The following PRR13 variants were observed in gnomAD, a reference collection of about 807,000 sequenced individuals.
The protein encoded by PRR13 is proline-rich protein 13.
In PRR13, 7 loss-of-function variants were observed where a neutral mutation model predicts 11.5. The observed-to-expected ratio is 0.61, with a 90% confidence interval of 0.34 to 1.14. PRR13 has a LOEUF of 1.14. Ranked by LOEUF, PRR13 falls within the 50% of genes most tolerant of loss-of-function variation. The pLI is 0.03. For synonymous variants in PRR13, 53 were observed against 67.8 expected, an observed-to-expected ratio of 0.78 and a Z score of 1.07; for missense variants, 155 against 194.4, an observed-to-expected ratio of 0.80 and a Z score of 1.21.
In PRR13 at chr12:53,442,127, C is replaced by T; in HGVS notation, c.-21+335C>T. The T allele has an allele frequency of 7.3e-6, 3 of 408,200 alleles. No homozygotes were observed. The South Asian group carries it at 1.2e-4, about 16-fold the overall frequency. The allele number at this position is 408,200 out of a possible 1,614,324, so 25.3% of individuals were successfully genotyped here. A position where few individuals can be genotyped will look rare whatever the true frequency, so the allele number is the denominator to read the frequency against. Reference sequence around the variant, plus strand: ...TGGGGCCGAGACTCGCGGGTACTGCCTACTTCCGAAGAGTTAGACGCTTCC... The same window carrying T: ...TGGGGCCGAGACTCGCGGGTACTGCTTACTTCCGAAGAGTTAGACGCTTCC... On this transcript the variant is annotated intron_variant, in intron 1 of 3. Coordinates refer to ENST00000429243, the MANE Select transcript of PRR13 (RefSeq NM_018457.4).
At chr12:53,445,908 G>T in intron 3 of PRR13, 107 bp from the exon 4 acceptor site, 1 of 1,544,102 alleles carries the variant, frequency 6.5e-7, no homozygotes, top group Non-Finnish European at 8.9e-7. Flanking sequence ...GGGAAGCAAG[G>T]GATACTTGGG....
intron 3 of PRR13, among the ~76,000 whole-genome samples, chr12:53,445,064 A>G (rs1325156721): frequency 6.6e-6 from 1 of 152,110 alleles, no homozygotes; most frequent in African/African-American, 2.4e-5. Flanking sequence ...AGAAATCTGA[A>G]GAGAAGGCTG....
At chr12:53,442,853 A>C (rs1940322366) in intron 2 of PRR13, 120 bp downstream of exon 2, 2 of 931,918 alleles carry the variant, frequency 2.1e-6, no homozygotes, top group South Asian at 3.3e-5. Flanking sequence ...CAAAGTCCTT[A>C]GTCTAGAGCT....
chr12:53,442,417 A>T, intron 1 of PRR13: 1 of 301,028 alleles, frequency 3.3e-6, no homozygotes, highest in South Asian at 3.9e-5. Context: ...GCTAATTTTT[A>T]GATTTTTAGT....
Position 53,446,478 on chromosome 12 carries a change from C to T in PRR13, c.*419C>T, listed in dbSNP as rs1940402554. ...GGGAATTTAGTGGCAAATACATTCCCCAGCAGGCCTTTTGTTGGTTGCACT... is the reference window on the plus strand; with the variant it reads ...GGGAATTTAGTGGCAAATACATTCCTCAGCAGGCCTTTTGTTGGTTGCACT... On this transcript the variant is annotated 3_prime_UTR_variant, in exon 4 of 4. Coordinates refer to ENST00000429243, the MANE Select transcript of PRR13 (RefSeq NM_018457.4). 1 of 173,730 alleles carries T rather than the reference C, an allele frequency of 5.8e-6. No homozygotes were observed. 10.8% of individuals were successfully genotyped at this position (173,730 alleles called of 1,614,324 possible). A position where few individuals can be genotyped will look rare whatever the true frequency, so the allele number is the denominator to read the frequency against.
chr12:53,441,792 G>C lies in PRR13; in HGVS notation c.-21G>C. ...CAGCAAGCCCAGGCGGCGGTGGAAAGGTGATGGGGTATCTGGATTCCATAG... is the reference window on the plus strand; with the variant it reads ...CAGCAAGCCCAGGCGGCGGTGGAAACGTGATGGGGTATCTGGATTCCATAG... On this transcript the variant is annotated splice_region_variant and 5_prime_UTR_variant, in exon 1 of 4. Transcript: ENST00000429243. The C allele has an allele frequency of 1.4e-6, 1 of 702,364 alleles. No homozygotes were observed. The highest frequency in any genetic ancestry group is 2.6e-6 in the Non-Finnish European group (1 of 384,822). 43.5% of individuals were successfully genotyped at this position (702,364 alleles called of 1,614,324 possible). A position where few individuals can be genotyped will look rare whatever the true frequency, so the allele number is the denominator to read the frequency against.
At chr12:53,441,844 A>T (rs1448122656) in intron 1 of PRR13, 52 bp downstream of exon 1, 13 of 702,070 alleles carry the variant, frequency 1.9e-5, no homozygotes, top group Non-Finnish European at 3.1e-5. Context: ...TTGCTAGGTC[A>T]AGAGTCTCTT....
At chr12:53,444,722 G>A (rs1445428737) in intron 3 of PRR13, among the ~76,000 whole-genome samples, 3 of 152,156 alleles carry the variant, frequency 2.0e-5, no homozygotes, top group Non-Finnish European at 4.4e-5. Flanking sequence ...CATGGCTCAT[G>A]CCTGTAATCC....
chr12:53,444,100 C>T (rs1441073671), intron 3 of PRR13: 2 of 433,168 alleles, frequency 4.6e-6, no homozygotes, highest in African/African-American at 2.0e-5. Context: ...AAGTTGGACA[C>T]GCCCACTGAC....
At position 53,444,485 on chromosome 12, in the gene PRR13, G is replaced by A. The variant is rs571523095; in HGVS notation, c.402+712G>A. On this transcript the variant is annotated intron_variant, in intron 3 of 3. Transcript: ENST00000429243. ...GCTGGGACTACAGGCGCCCGCCACC[G>A]CGCCCGGCTAATTCTTTGTATTTTT... 3.8e-4 allele frequency among the ~76,000 whole-genome samples: 57 copies of A among 151,978 alleles called. No homozygotes were observed. The South Asian group carries it at 0.01, about 27-fold the overall frequency.
chr12:53,442,108 C>T (rs1352664806), intron 1 of PRR13: 2 of 432,450 alleles, frequency 4.6e-6, no homozygotes, highest in Non-Finnish European at 8.2e-6. Context: ...ATGGTGGGGC[C>T]GAGACTCGCG....
In PRR13 at chr12:53,446,262, G is replaced by A. The variant is rs568607148; in HGVS notation, c.*203G>A. ...GGCCTGGCCATCTTGTTGCTGCTTG[G>A]TTAGATCATATAGCTAATGAATTAG... On this transcript the variant is annotated 3_prime_UTR_variant, in exon 4 of 4. Transcript: ENST00000429243. The A allele has an allele frequency of 2.2e-4, 188 of 845,392 alleles. 1 individual carries two copies. In the African/African-American group the frequency reaches 2.9e-3, roughly 13 times the overall value. 52.4% of individuals were successfully genotyped at this position (845,392 alleles called of 1,614,324 possible). A position where few individuals can be genotyped will look rare whatever the true frequency, so the allele number is the denominator to read the frequency against.
In PRR13 at chr12:53,446,239, C is replaced by T; in HGVS notation, c.*180C>T. On this transcript the variant is annotated 3_prime_UTR_variant, in exon 4 of 4. Coordinates refer to ENST00000429243, the MANE Select transcript of PRR13 (RefSeq NM_018457.4). ...GGAAATGGGAAGAGGATTGCCATGG[C>T]CTGGCCATCTTGTTGCTGCTTGGTT... 8.9e-7 allele frequency: 1 copy of T among 1,127,470 alleles called. No homozygotes were observed. The highest frequency in any genetic ancestry group is 1.2e-6 in the Non-Finnish European group (1 of 824,716). 69.8% of individuals were successfully genotyped at this position (1,127,470 alleles called of 1,614,324 possible).
At chr12:53,442,159 G>GT in intron 1 of PRR13, 1 of 338,788 alleles carries the variant, frequency 3.0e-6, no homozygotes, top group Non-Finnish European at 5.4e-6. Context: ...TTCCACCTGG[G>GT]TGGAGGGGCC....
chr12:53,443,984 G>A (rs1940349833), intron 3 of PRR13: 2 of 669,612 alleles, frequency 3.0e-6, no homozygotes, highest in Non-Finnish European at 4.9e-6. Context: ...CTATCTGGGG[G>A]GAGTTAGGGT....
Position 53,444,014 on chromosome 12 carries a change from A to G in PRR13, c.402+241A>G, listed in dbSNP as rs145717179. 1.6e-4 allele frequency: 90 copies of G among 548,892 alleles called. 1 individual carries two copies. The highest frequency in any genetic ancestry group is 1.6e-3 in the East Asian group (55 of 33,854). The allele number at this position is 548,892 out of a possible 1,614,324, so 34.0% of individuals were successfully genotyped here. On this transcript the variant is annotated intron_variant, in intron 3 of 3. Coordinates refer to ENST00000429243, the MANE Select transcript of PRR13 (RefSeq NM_018457.4). ...TAGGGTGAGCCTTAGAATGGATTTT[A>G]GAATCAAAAGCCAAATCTTTTCTGC...
In PRR13 at chr12:53,442,100, G is replaced by A. The variant is rs79454228; in HGVS notation, c.-21+308G>A. ...TTCCAGGGAAAGGGAGATGAGTGAT[G>A]GTGGGGCCGAGACTCGCGGGTACTG... is the stretch of plus-strand genomic sequence containing the variant. On this transcript the variant is annotated intron_variant, in intron 1 of 3. Transcript: ENST00000429243. 5.5e-3 allele frequency: 2,504 copies of A among 452,922 alleles called. 55 individuals carry two copies. Among genetic ancestry groups the A allele is most frequent in the African/African-American group, 0.047 (2,322 of 49,858 alleles). The allele number at this position is 452,922 out of a possible 1,614,324, so 28.1% of individuals were successfully genotyped here.
chr12:53,443,418 C>G lies in PRR13; in HGVS notation c.47C>G (p.Pro16Arg). 1 of 1,422,974 alleles carries G rather than the reference C, an allele frequency of 7.0e-7. No individual in the cohort carries two copies. The highest frequency in any genetic ancestry group is 9.2e-7 in the Non-Finnish European group (1 of 1,081,870). 88.1% of individuals were successfully genotyped at this position (1,422,974 alleles called of 1,614,324 possible). A position where few individuals can be genotyped will look rare whatever the true frequency, so the allele number is the denominator to read the frequency against. Residue 16 changes from proline to arginine, a missense_variant, in exon 3 of 4, where the codon CCC (proline) becomes CGC (arginine). Pro to Arg is a moderately radical substitution (Grantham distance 103). Coordinates refer to ENST00000429243, the MANE Select transcript of PRR13 (RefSeq NM_018457.4). ...AGQPGPNPYP[P>R]NIGCPGGSNP... is the part of the protein sequence containing the mutation. ...CAGCCAGGGCCAAATCCATATCCCCCCAATATTGGGTGCCCTGGAGGTTCC... is the reference window on the plus strand; with the variant it reads ...CAGCCAGGGCCAAATCCATATCCCCGCAATATTGGGTGCCCTGGAGGTTCC...
In PRR13 at chr12:53,443,489, C is replaced by T. The variant is rs1940336746; in HGVS notation, c.118C>T (p.Pro40Ser). The T allele has an allele frequency of 1.4e-6, 2 of 1,462,734 alleles. No individual in the cohort carries two copies. The highest frequency in any genetic ancestry group is 1.4e-5 in the South Asian group (1 of 71,428). 90.6% of individuals were successfully genotyped at this position (1,462,734 alleles called of 1,614,324 possible). ...TATTAATCCACCCTTTCCCCCAGGC[C>T]CCTGTCCTCCTCCCCCAGGAGCTCC... is the stretch of plus-strand genomic sequence containing the variant. ...PPINPPFPPGPCPPPPGAPHG... is the reference protein window; with the variant it reads ...PPINPPFPPGSCPPPPGAPHG... Residue 40 changes from proline to serine, a missense_variant, in exon 3 of 4, where the codon CCC becomes TCC. Transcript: ENST00000429243.
Sources: gnomAD v4.1 joint callset for allele counts (sites outside exome capture counted in the v4.1 genomes callset) on GRCh38, gnomAD v4.1.1 for gene constraint, MANE v1.5 for transcripts, NCBI Gene and HGNC (gene_info 2026-07-23, HGNC 2026-07-21) for gene names.